The following RP1 variants were observed in gnomAD, a reference collection of about 807,000 sequenced individuals.
The protein encoded by RP1 is oxygen-regulated protein 1.
A neutral mutation model predicts 14.8 loss-of-function variants in RP1; 16 were observed. That is an observed-to-expected ratio of 1.08 (90% CI 0.73 to 1.65). RP1 has a LOEUF of 1.65. Among genes scored for constraint, RP1 ranks in the 40% most tolerant of loss-of-function variants. The pLI is 0.00. For synonymous variants in RP1, 876 were observed against 883.6 expected (o/e 0.99, Z 0.15); for missense variants, 2,631 against 2,535.0 (o/e 1.04, Z -0.81).
chr8:54,722,491 C>T (rs1808561030), intron 16 of RP1, among the ~76,000 whole-genome samples: 1 of 152,024 alleles, frequency 6.6e-6, no homozygotes, highest in Non-Finnish European at 1.5e-5. Flanking sequence ...AGGATGGTCT[C>T]AATCTCCTGA....
At chr8:54,765,024 C>T (rs915839150) in intron 22 of RP1, among the ~76,000 whole-genome samples, 4 of 152,212 alleles carry the variant, frequency 2.6e-5, no homozygotes, top group East Asian at 1.9e-4. Flanking sequence ...CCAACCACAC[C>T]GCAAGGGGGC....
intron 27 of RP1, among the ~76,000 whole-genome samples, chr8:54,865,191 T>C (rs1026311687): frequency 7.9e-5 from 12 of 152,134 alleles, no homozygotes; most frequent in African/African-American, 2.7e-4. Context: ...ATGTATTAAT[T>C]ATATTTCTAA....
intron 22 of RP1, among the ~76,000 whole-genome samples, chr8:54,767,993 T>C (rs1809805173): frequency 6.6e-6 from 1 of 152,210 alleles, no homozygotes; most frequent in African/African-American, 2.4e-5. Context: ...CACCTTCCCA[T>C]TATCTGCTGA....
chr8:54,750,621 C>G (rs2375223), intron 19 of RP1, among the ~76,000 whole-genome samples: 6 of 18,348 alleles, frequency 3.3e-4, no homozygotes, highest in Non-Finnish European at 5.3e-4. Flanking sequence ...ACGCACCAAT[C>G]AGTGCTCTGT....
rs72650358 is a variant in RP1 at position 54,739,446 on chromosome 8, T to G, written c.2808+417T>G. Among the ~76,000 whole-genome samples, 1,374 of 152,220 alleles carry G rather than the reference T, an allele frequency of 9.0e-3. 11 individuals carry two copies. The highest frequency in any genetic ancestry group is 0.015 in the Non-Finnish European group (1,017 of 67,990). The stretch of plus-strand genomic sequence containing the variant: ...CGTATTGTAAATAATGTGAACAAAA[T>G]TTTTGTGGACATAACACTCTAAACA... On this transcript the variant is annotated intron_variant, in intron 19 of 22. Transcript: ENST00000636932.
intron 19 of RP1, among the ~76,000 whole-genome samples, chr8:54,751,156 C>G (rs1421771615): frequency 6.6e-6 from 1 of 152,188 alleles, no homozygotes; most frequent in Non-Finnish European, 1.5e-5. Context: ...ACATCGCCAC[C>G]CATTCTTGAG....
chr8:54,636,716 C>T lies in RP1; in HGVS notation c.788-12269C>T, dbSNP rs560880353. Among the ~76,000 whole-genome samples, 54 of 152,192 alleles carry T rather than the reference C, an allele frequency of 3.5e-4. 1 individual carries two copies. Among genetic ancestry groups the T allele is most frequent in the East Asian group, 3.9e-4 (2 of 5,176 alleles). The stretch of plus-strand genomic sequence containing the variant: ...TTACGCCACTGTACCCCAGCCTGGG[C>T]GGCAAGAGCAAAACTCCCTCTCAAA... On this transcript the variant is annotated intron_variant, in intron 3 of 22. Transcript: ENST00000636932.
intron 1 of RP1, among the ~76,000 whole-genome samples, chr8:54,617,103 C>T (rs1330759716): frequency 6.6e-6 from 1 of 152,220 alleles, no homozygotes; most frequent in African/African-American, 2.4e-5. Flanking sequence ...GCTGTCATGT[C>T]ATTAGAAGCG....
At chr8:54,782,050 A>T (rs1197365982) in intron 23 of RP1, among the ~76,000 whole-genome samples, 1 of 152,206 alleles carries the variant, frequency 6.6e-6, no homozygotes, top group African/African-American at 2.4e-5. Context: ...GAAGACCTAC[A>T]AAAAAGGAAA....
intron 1 of RP1, among the ~76,000 whole-genome samples, chr8:54,585,745 T>C (rs1203926394): frequency 6.6e-6 from 1 of 152,218 alleles, no homozygotes; most frequent in East Asian, 1.9e-4. Context: ...ATTTCATTCA[T>C]TTAATCTTCC....
chr8:54,566,337 A>G (rs1374939648), intron 1 of RP1, among the ~76,000 whole-genome samples: 2 of 137,196 alleles, frequency 1.5e-5, no homozygotes, highest in African/African-American at 5.0e-5. Flanking sequence ...AGCCTGCTTC[A>G]GAAGGCAGTG....
intron 25 of RP1, among the ~76,000 whole-genome samples, chr8:54,843,802 A>G (rs1811847955): frequency 6.6e-6 from 1 of 152,140 alleles, no homozygotes; most frequent in South Asian, 2.1e-4. Flanking sequence ...CGCAGGGCTC[A>G]GGTGCAGAGG....
chr8:54,755,656 G>C, exon 21 of RP1: 2 of 1,536,028 alleles, frequency 1.3e-6, no homozygotes, highest in Middle Eastern at 1.7e-4. Context: ...CTGGGCAGCT[G>C]AAGCATGCAG....
intron 1 of RP1, among the ~76,000 whole-genome samples, chr8:54,605,772 T>G (rs1805423376): frequency 6.6e-6 from 1 of 152,242 alleles, no homozygotes; most frequent in African/African-American, 2.4e-5. Context: ...CTTGTTGAAT[T>G]GATCCCTTTA....
intron 1 of RP1, among the ~76,000 whole-genome samples, chr8:54,579,935 C>A (rs1804745479): frequency 6.6e-6 from 1 of 152,196 alleles, no homozygotes; most frequent in African/African-American, 2.4e-5. Context: ...GTGCTCTGCT[C>A]CCTCACATTC....
At chr8:54,852,258 A>C (rs1406636071) in intron 25 of RP1, among the ~76,000 whole-genome samples, 1 of 152,162 alleles carries the variant, frequency 6.6e-6, no homozygotes, top group Non-Finnish European at 1.5e-5. Flanking sequence ...ATAAAGAGAG[A>C]GGAGAGTTTC....
intron 24 of RP1, among the ~76,000 whole-genome samples, chr8:54,810,516 C>T (rs1307745472): frequency 1.3e-5 from 2 of 152,152 alleles, no homozygotes; most frequent in Non-Finnish European, 2.9e-5. Context: ...TCTTGAAACT[C>T]ACCATATATT....
At chr8:54,566,872 TAA>T (rs1804420184) in intron 1 of RP1, among the ~76,000 whole-genome samples, 1 of 152,200 alleles carries the variant, frequency 6.6e-6, no homozygotes, top group Non-Finnish European at 1.5e-5. Context: ...TAAAGTGTGC[TAA>T]GTTAGACATC....
At chr8:54,694,496 A>T (rs2129340828) in intron 12 of RP1, among the ~76,000 whole-genome samples, 1 of 152,060 alleles carries the variant, frequency 6.6e-6, no homozygotes, top group South Asian at 2.1e-4. Flanking sequence ...ACAATTTCGG[A>T]GCCTGTTATT....
Sources: gnomAD v4.1 joint callset for allele counts (sites outside exome capture counted in the v4.1 genomes callset) on GRCh38, gnomAD v4.1.1 for gene constraint, MANE v1.5 for transcripts, NCBI Gene and HGNC (gene_info 2026-07-23, HGNC 2026-07-21) for gene names.